SUGCT: variants seen among roughly 807,000 people sequenced by gnomAD.
SUGCT encodes succinyl-CoA:glutarate-CoA transferase.
Under a neutral mutation model 55.0 loss-of-function variants are expected in SUGCT, and 41 were observed. The observed-to-expected ratio is 0.74, with a 90% CI of 0.58 to 0.97. The LOEUF (loss-of-function observed/expected upper bound fraction) is 0.97, where lower values mean the gene tolerates loss of function less well. Ranked by LOEUF, SUGCT falls within the 50% of genes least tolerant of loss-of-function variation. The probability of loss-of-function intolerance (pLI) is 0.00; values close to 1 mark genes in which losing one functional copy is unlikely to be tolerated. For missense variants in SUGCT, 568 were observed against 547.8 expected, an observed-to-expected ratio of 1.04 and a Z score of -0.37; for synonymous variants, 187 against 200.4, an observed-to-expected ratio of 0.93 and a Z score of 0.56.
At chr7:40,869,659 C>A in the SUGCT span, among the ~76,000 whole-genome samples, 2 of 135,052 alleles carry the variant, frequency 1.5e-5, no homozygotes, top group African/African-American at 2.7e-5. Flanking sequence ...AATGAATATA[C>A]CCACGAATGT....
chr7:40,429,817 C>T (rs1787797997), intron 9 of SUGCT, among the ~76,000 whole-genome samples: 1 of 152,186 alleles, frequency 6.6e-6, no homozygotes, highest in Non-Finnish European at 1.5e-5. Flanking sequence ...ATCAAGTTGA[C>T]ACTTAATATT....
At chr7:40,462,986 A>G (rs1418375750) in intron 11 of SUGCT, among the ~76,000 whole-genome samples, 3 of 152,308 alleles carry the variant, frequency 2.0e-5, no homozygotes, top group Middle Eastern at 6.8e-3. Context: ...GTTGATATAC[A>G]TGCTCCAGTT....
At chr7:40,291,032 T>G (rs112389165) in intron 8 of SUGCT, among the ~76,000 whole-genome samples, 21,167 of 152,004 alleles carry the variant, frequency 0.14, 3,809 homozygotes, top group African/African-American at 0.42. Flanking sequence ...TATGGAGAAA[T>G]AGGAACACTT....
chr7:40,910,524 G>A, the SUGCT span, among the ~76,000 whole-genome samples: 12 of 152,184 alleles, frequency 7.9e-5, no homozygotes, highest in Non-Finnish European at 1.3e-4. Context: ...TGCAAACAGA[G>A]AGGGGACATA....
chr7:40,999,504 A>G, the SUGCT span, among the ~76,000 whole-genome samples: 1 of 152,212 alleles, frequency 6.6e-6, no homozygotes, highest in South Asian at 2.1e-4. Context: ...ACTGTAGATT[A>G]TATGACTTCG....
the SUGCT span, among the ~76,000 whole-genome samples, chr7:40,953,546 A>AG: frequency 6.6e-6 from 1 of 152,132 alleles, no homozygotes; most frequent in Non-Finnish European, 1.5e-5. Context: ...TAGAATTTTC[A>AG]GTTTTTCTGC....
At chr7:40,886,754 G>A in the SUGCT span, among the ~76,000 whole-genome samples, 1 of 152,154 alleles carries the variant, frequency 6.6e-6, no homozygotes, top group Non-Finnish European at 1.5e-5. Flanking sequence ...AGATACCCAT[G>A]TTGGTATGCA....
At chr7:40,620,242 A>G (rs1164230405) in intron 12 of SUGCT, among the ~76,000 whole-genome samples, 1 of 152,216 alleles carries the variant, frequency 6.6e-6, no homozygotes, top group Non-Finnish European at 1.5e-5. Context: ...ATCACCCCAA[A>G]GAGCCATTTG....
chr7:40,584,340 A>T (rs1156953035), intron 12 of SUGCT, among the ~76,000 whole-genome samples: 1 of 152,218 alleles, frequency 6.6e-6, no homozygotes, highest in Non-Finnish European at 1.5e-5. Flanking sequence ...AGTTAATGAC[A>T]TAAAGAGCTA....
In SUGCT at chr7:40,550,411, C is replaced by A. The variant is rs138307904; in HGVS notation, c.1089+54025C>A. On this transcript the variant is annotated intron_variant, in intron 12 of 13. Transcript: ENST00000335693. ...GAATACCTAGTCTTTCATGAAGTTGCGTTTGCTTTCTGACACCAATTCTGC... is the reference window on the plus strand; with the variant it reads ...GAATACCTAGTCTTTCATGAAGTTGAGTTTGCTTTCTGACACCAATTCTGC... Among the ~76,000 whole-genome samples the A allele has an allele frequency of 3.0e-3, 457 of 152,288 alleles. 7 individuals carry two copies. Among genetic ancestry groups the A allele is most frequent in the East Asian group, 0.029 (152 of 5,176 alleles).
intron 12 of SUGCT, among the ~76,000 whole-genome samples, chr7:40,514,606 A>T (rs1793130337): frequency 6.7e-6 from 1 of 149,944 alleles, no homozygotes; most frequent in Non-Finnish European, 1.5e-5. Context: ...GCTACTTTGG[A>T]GGCTGAGGCA....
intron 12 of SUGCT, among the ~76,000 whole-genome samples, chr7:40,644,320 T>C (rs1800398749): frequency 6.6e-6 from 1 of 152,224 alleles, no homozygotes; most frequent in Admixed American, 6.5e-5. Context: ...TCCCCTTGAA[T>C]GTTCTCTCTC....
chr7:40,667,523 G>A (rs1473035583), intron 12 of SUGCT, among the ~76,000 whole-genome samples: 3 of 151,210 alleles, frequency 2.0e-5, no homozygotes, highest in African/African-American at 4.9e-5. Context: ...ATTGGTACTA[G>A]CTTTTCTTTG....
intron 7 of SUGCT, among the ~76,000 whole-genome samples, chr7:40,245,423 A>ATATTTTTTT (rs1344678220): frequency 3.7e-5 from 2 of 54,582 alleles, no homozygotes; most frequent in Non-Finnish European, 3.3e-5. Context: ...ATATATATAT[A>ATATTTTTTT]TTTTTTTTTT....
At chr7:40,267,025 A>AAAAC (rs141867097) in intron 7 of SUGCT, among the ~76,000 whole-genome samples, 79,919 of 115,862 alleles carry the variant, frequency 0.69, 22,411 homozygotes, top group Non-Finnish European at 0.71. Flanking sequence ...AAAAAAAACA[A>AAAAC]AAACAAACAA....
chr7:40,662,904 C>T (rs58811666), intron 12 of SUGCT, among the ~76,000 whole-genome samples: 2,070 of 152,240 alleles, frequency 0.014, 130 homozygotes, highest in East Asian at 0.11. Context: ...TGTCTAGTGC[C>T]AGGAACGGAG....
intron 13 of SUGCT, among the ~76,000 whole-genome samples, chr7:40,847,411 CTTTTTT>C (rs981613426): frequency 0.011 from 805 of 75,380 alleles, 19 homozygotes; most frequent in Admixed American, 0.073. Context: ...TTCTTTCTTT[CTTTTTT>C]TTTTTTTTTT....
At chr7:40,966,185 GA>G in the SUGCT span, 2 of 152,190 alleles carry the variant, frequency 1.3e-5, no homozygotes, top group African/African-American at 4.8e-5. Context: ...GGATTTCACA[GA>G]AATTTTACAG....
At chr7:40,774,402 G>A (rs1351171526) in intron 13 of SUGCT, among the ~76,000 whole-genome samples, 1 of 152,122 alleles carries the variant, frequency 6.6e-6, no homozygotes, top group Non-Finnish European at 1.5e-5. Context: ...TGAGATAAAT[G>A]TGTCTGTTGC....
Sources: allele counts gnomAD v4.1 joint callset (sites outside exome capture counted in the v4.1 genomes callset), GRCh38; gene constraint gnomAD v4.1.1; transcripts MANE v1.5; gene names NCBI Gene and HGNC (gene_info 2026-07-23, HGNC 2026-07-21).